NEGR1: variants seen among roughly 807,000 people sequenced by gnomAD.
NEGR1 encodes neuronal growth regulator 1.
A neutral mutation model predicts 40.9 loss-of-function variants in NEGR1; 10 were observed. The observed-to-expected ratio is 0.24, with a 90% CI of 0.15 to 0.42. The LOEUF (loss-of-function observed/expected upper bound fraction) is 0.42, where lower values mean the gene tolerates loss of function less well. Among genes scored for constraint, NEGR1 ranks in the 10% least tolerant of loss-of-function variants. The probability of loss-of-function intolerance (pLI) is 1.00; values close to 1 mark genes in which losing one functional copy is unlikely to be tolerated. For missense variants in NEGR1, 352 were observed against 438.9 expected (o/e 0.80, Z 1.77); for synonymous variants, 185 against 166.8 (o/e 1.11, Z -0.84).
intron 6 of NEGR1, among the ~76,000 whole-genome samples, chr1:71,560,194 G>A (rs1161473882): frequency 6.6e-6 from 1 of 151,062 alleles, no homozygotes; most frequent in South Asian, 2.1e-4. Flanking sequence ...AGATATTAAA[G>A]ACATCTATTC....
intron 3 of NEGR1, among the ~76,000 whole-genome samples, chr1:71,704,163 T>TCACACACACA (rs3077140): frequency 3.7e-4 from 52 of 142,216 alleles, no homozygotes; most frequent in East Asian, 1.7e-3. Context: ...TCTCTCTCTG[T>TCACACACACA]CACACACACA....
intron 3 of NEGR1, among the ~76,000 whole-genome samples, chr1:71,710,930 A>G (rs2101642774): frequency 6.6e-6 from 1 of 152,258 alleles, no homozygotes; most frequent in Middle Eastern, 3.4e-3. Flanking sequence ...GAAGGGATGG[A>G]TACCCCATTC....
At chr1:72,232,747 G>T (rs2100500707) in intron 1 of NEGR1, among the ~76,000 whole-genome samples, 1 of 152,120 alleles carries the variant, frequency 6.6e-6, no homozygotes, top group African/African-American at 2.4e-5. Flanking sequence ...TAATTATAGA[G>T]AAAATAGGTG....
intron 2 of NEGR1, among the ~76,000 whole-genome samples, chr1:71,848,034 A>T (rs999673182): frequency 2.0e-5 from 3 of 152,186 alleles, no homozygotes; most frequent in African/African-American, 7.2e-5. Flanking sequence ...GTCTGGATAG[A>T]TCGAATAGCC....
At chr1:71,533,335 G>A (rs1647412788) in intron 6 of NEGR1, among the ~76,000 whole-genome samples, 1 of 151,502 alleles carries the variant, frequency 6.6e-6, no homozygotes, top group Admixed American at 6.6e-5. Flanking sequence ...TTCTTAATAT[G>A]TTCTATAAAT....
intron 2 of NEGR1, among the ~76,000 whole-genome samples, chr1:71,917,159 G>C (rs1274376380): frequency 6.6e-6 from 1 of 152,228 alleles, no homozygotes; most frequent in Non-Finnish European, 1.5e-5. Context: ...TCACGCTATA[G>C]TGATGCTTTG....
intron 1 of NEGR1, among the ~76,000 whole-genome samples, chr1:72,196,273 T>C (rs943035872): frequency 1.3e-5 from 2 of 152,000 alleles, no homozygotes; most frequent in Non-Finnish European, 2.9e-5. Context: ...AACCTGTATA[T>C]TGCAAAAATT....
At chr1:71,906,277 T>TATATCAAA (rs1661272387) in intron 2 of NEGR1, among the ~76,000 whole-genome samples, 1 of 152,008 alleles carries the variant, frequency 6.6e-6, no homozygotes, top group Non-Finnish European at 1.5e-5. Context: ...GATTGCACAT[T>TATATCAAA]GGGTACCGTA....
chr1:72,278,681 C>T (rs1656145668), intron 1 of NEGR1, among the ~76,000 whole-genome samples: 1 of 151,934 alleles, frequency 6.6e-6, no homozygotes, highest in Non-Finnish European at 1.5e-5. Context: ...CTGTTCTCTA[C>T]TAGATCAGCC....
At chr1:71,877,970 T>C (rs563812846) in intron 2 of NEGR1, among the ~76,000 whole-genome samples, 1 of 152,270 alleles carries the variant, frequency 6.6e-6, no homozygotes, top group Non-Finnish European at 1.5e-5. Context: ...TTAGACTTCA[T>C]TTAGTGATAT....
At chr1:72,028,802 T>G (rs1383460258) in intron 1 of NEGR1, among the ~76,000 whole-genome samples, 1 of 152,218 alleles carries the variant, frequency 6.6e-6, no homozygotes, top group African/African-American at 2.4e-5. Context: ...ATATTTTTAT[T>G]ATAGCAATTT....
chr1:72,160,675 C>T (rs1407446152), intron 1 of NEGR1, among the ~76,000 whole-genome samples: 1 of 152,058 alleles, frequency 6.6e-6, no homozygotes, highest in African/African-American at 2.4e-5. Flanking sequence ...ATTATATTTG[C>T]ATCGTTTTTC....
chr1:71,748,312 T>C (rs1352978074), intron 3 of NEGR1, among the ~76,000 whole-genome samples: 2 of 152,330 alleles, frequency 1.3e-5, no homozygotes, highest in South Asian at 2.1e-4. Context: ...ATTAATAATG[T>C]TAGTACACAA....
intron 3 of NEGR1, among the ~76,000 whole-genome samples, chr1:71,752,070 A>G (rs1655587602): frequency 6.6e-6 from 1 of 152,234 alleles, no homozygotes; most frequent in African/African-American, 2.4e-5. Flanking sequence ...ATTATACAAT[A>G]CGCTGGAGTA....
At chr1:71,567,202 T>C (rs770428253) in intron 6 of NEGR1, among the ~76,000 whole-genome samples, 29 of 152,258 alleles carry the variant, frequency 1.9e-4, no homozygotes, top group Middle Eastern at 3.4e-3. Flanking sequence ...GTTGTGTGTG[T>C]GTGGTTTTAT....
chr1:72,181,920 T>C (rs1254603231), intron 1 of NEGR1, among the ~76,000 whole-genome samples: 5 of 152,038 alleles, frequency 3.3e-5, no homozygotes, highest in Non-Finnish European at 5.9e-5. Context: ...GAGAGGTGTA[T>C]CTCAGAGGAT....
chr1:71,803,652 G>T (rs1463028024), intron 2 of NEGR1, among the ~76,000 whole-genome samples: 3 of 151,626 alleles, frequency 2.0e-5, no homozygotes. Context: ...TTAATTATTT[G>T]TCCAAATATA....
At chr1:71,944,031 T>C (rs1645995951) in intron 1 of NEGR1, among the ~76,000 whole-genome samples, 1 of 152,230 alleles carries the variant, frequency 6.6e-6, no homozygotes, top group Non-Finnish European at 1.5e-5. Context: ...AGAAAATTTC[T>C]TTGTCATCTC....
At chr1:71,629,172 C>A (rs1464935944) in intron 4 of NEGR1, among the ~76,000 whole-genome samples, 1 of 151,912 alleles carries the variant, frequency 6.6e-6, no homozygotes, top group East Asian at 1.9e-4. Context: ...TGATAATGAG[C>A]TTTTTTTCAT....
Sources: gnomAD v4.1 joint callset for allele counts (sites outside exome capture counted in the v4.1 genomes callset) on GRCh38, gnomAD v4.1.1 for gene constraint, MANE v1.5 for transcripts, NCBI Gene and HGNC (gene_info 2026-07-23, HGNC 2026-07-21) for gene names.